PHACTR2: variants seen among roughly 807,000 people sequenced by gnomAD.
PHACTR2 encodes the protein chromosome 6 open reading frame 56.
Under a neutral mutation model 76.0 loss-of-function variants are expected in PHACTR2, and 30 were observed. The ratio of observed to expected loss-of-function variants is 0.39; its 90% confidence interval spans 0.30 to 0.54. The LOEUF is 0.54. PHACTR2 is among the 20% of genes least tolerant of loss of function. The probability of loss-of-function intolerance (pLI) is 0.61; values close to 1 mark genes in which losing one functional copy is unlikely to be tolerated. For missense variants in PHACTR2, 696 were observed against 781.1 expected, an observed-to-expected ratio of 0.89 and a Z score of 1.30; for synonymous variants, 292 against 292.5, an observed-to-expected ratio of 1.00 and a Z score of 0.02.
At chr6:143,745,719 G>A (rs1473734092) in intron 2 of PHACTR2, among the ~76,000 whole-genome samples, 1 of 125,178 alleles carries the variant, frequency 8.0e-6, no homozygotes, top group Non-Finnish European at 1.9e-5. Context: ...TCGGTCGCCT[G>A]CAGTTTGTTC....
chr6:143,580,264 T>A lies in PHACTR2; in HGVS notation c.217+43057T>A, dbSNP rs1473228867. Among the ~76,000 whole-genome samples the A allele has an allele frequency of 6.6e-6, 1 of 152,102 alleles. No homozygotes were observed. The highest frequency in any genetic ancestry group is 2.4e-5 in the African/African-American group (1 of 41,426). On this transcript the variant is annotated intron_variant, in intron 1 of 11. Transcript: ENST00000367584. This position sits in a 1 kb window ranked among gnomAD's most constrained non-coding sequence, Gnocchi z 4.2. The stretch of plus-strand genomic sequence containing the variant: ...ACTTTGGGAGGCCAAGGCAGGCAGA[T>A]CACGAGGTCAGGAAATCGAGACCAT...
At position 143,772,474 on chromosome 6, in the gene PHACTR2, G is replaced by C. The variant is rs1269395553; in HGVS notation, c.1432+17G>C. On this transcript the variant is annotated intron_variant, in intron 7 of 12. Transcript: ENST00000440869. This position sits in a 1 kb window ranked among gnomAD's most constrained non-coding sequence, Gnocchi z 5.4. The stretch of plus-strand genomic sequence containing the variant: ...GTGGAGAAAGTAAGACTGTTTTCAA[G>C]AGGCAGGGAGGAGCGTGGGTGATAA... 3.1e-6 allele frequency: 5 copies of C among 1,592,158 alleles called. No individual in the cohort carries two copies. The highest frequency in any genetic ancestry group is 4.3e-6 in the Non-Finnish European group (5 of 1,161,966).
chr6:143,628,915 A>C (rs1776306391), intron 1 of PHACTR2, among the ~76,000 whole-genome samples: 1 of 121,154 alleles, frequency 8.3e-6, no homozygotes, highest in African/African-American at 3.2e-5. Context: ...TGAATGTTTA[A>C]ATGCAGGAGA....
rs142182331 is a variant in PHACTR2, at chr6:143,761,214, A to G, written c.694+574A>G. Among the ~76,000 whole-genome samples the G allele has an allele frequency of 3.0e-3, 463 of 152,294 alleles. 8 individuals carry two copies. In the East Asian group the frequency reaches 0.041, roughly 13 times the overall value. On this transcript the variant is annotated intron_variant, in intron 5 of 12. Coordinates refer to ENST00000440869, the MANE Select transcript of PHACTR2 (RefSeq NM_001100164.2). The surrounding 1 kb of genome is among the most constrained non-coding windows in gnomAD (Gnocchi z 5.2). ...TGAAAACTATTTCAGTGGAGTGGAA[A>G]GTTACACTCTCAGTGTTCCACACCT...
At chr6:143,638,397 T>A (rs1004059995) in intron 1 of PHACTR2, among the ~76,000 whole-genome samples, 3 of 151,834 alleles carry the variant, frequency 2.0e-5, no homozygotes, top group Admixed American at 1.3e-4. Context: ...ATTAAAAGAT[T>A]AGCTGGGCAT....
At chr6:143,756,624 G>A (rs1388352804) in intron 4 of PHACTR2, among the ~76,000 whole-genome samples, 11 of 151,082 alleles carry the variant, frequency 7.3e-5, no homozygotes, top group Non-Finnish European at 1.0e-4. Context: ...GCGTGAACCC[G>A]GGAGGCGGAG....
At chr6:143,622,606 T>A (rs1776175032) in intron 1 of PHACTR2, among the ~76,000 whole-genome samples, 2 of 152,156 alleles carry the variant, frequency 1.3e-5, no homozygotes, top group South Asian at 4.1e-4. Context: ...ACATAGATTT[T>A]AAAAATATTT....
rs1176971948 is a variant in PHACTR2 at position 143,784,432 on chromosome 6, T to C, written c.1707+1152T>C. 6.6e-6 allele frequency among the ~76,000 whole-genome samples: 1 copy of C among 152,246 alleles called. No homozygotes were observed. The highest frequency in any genetic ancestry group is 2.4e-5 in the African/African-American group (1 of 41,468). Reference sequence around the variant, plus strand: ...CTAATCATTCTTCAGGCATACCTTATGCACCTAAAAATGGATAAAGTGACT... The same window carrying C: ...CTAATCATTCTTCAGGCATACCTTACGCACCTAAAAATGGATAAAGTGACT... On this transcript the variant is annotated intron_variant, in intron 10 of 12. Coordinates refer to ENST00000440869, the MANE Select transcript of PHACTR2 (RefSeq NM_001100164.2). The surrounding 1 kb of genome is among the most constrained non-coding windows in gnomAD (Gnocchi z 4.5).
rs1328507274 is a variant in PHACTR2, at chr6:143,751,829, A to G, written c.296-1925A>G. ...ACACACACACACACACACACACTAT[A>G]TCAAGGATTTAACTTATTTTAATTC... On this transcript the variant is annotated intron_variant, in intron 3 of 12. Coordinates refer to ENST00000440869, the MANE Select transcript of PHACTR2 (RefSeq NM_001100164.2). The surrounding 1 kb of genome is among the most constrained non-coding windows in gnomAD (Gnocchi z 5.7). Among the ~76,000 whole-genome samples, 3 of 79,876 alleles carry G rather than the reference A, an allele frequency of 3.8e-5. No individual in the cohort carries two copies. The highest frequency in any genetic ancestry group is 9.5e-5 in the Non-Finnish European group (3 of 31,676). 52.4% of individuals were successfully genotyped at this position (79,876 alleles called of 152,430 possible). A position where few individuals can be genotyped will look rare whatever the true frequency, so the allele number is the denominator to read the frequency against.
intron 4 of PHACTR2, among the ~76,000 whole-genome samples, chr6:143,758,128 G>A (rs188430967): frequency 3.3e-5 from 5 of 152,322 alleles, no homozygotes; most frequent in African/African-American, 9.6e-5. Flanking sequence ...AGTAGGTCTT[G>A]TCATTGCCAA....
chr6:143,659,472 C>T lies in PHACTR2; in HGVS notation c.13+51150C>T, dbSNP rs1776909210. On this transcript the variant is annotated intron_variant, in intron 1 of 11. Transcript: ENST00000305766. This position sits in a 1 kb window ranked among gnomAD's most constrained non-coding sequence, Gnocchi z 5.0. ...GGATACACCTGGAAGTGCATGTGGT[C>T]ACTGGGCAGCACGCCATTCCTTGCA... Among the ~76,000 whole-genome samples, 1 of 152,162 alleles carries T rather than the reference C, an allele frequency of 6.6e-6. No homozygotes were observed. The highest frequency in any genetic ancestry group is 6.5e-5 in the Admixed American group (1 of 15,274).
intron 1 of PHACTR2, among the ~76,000 whole-genome samples, chr6:143,686,486 T>A (rs1039568734): frequency 7.3e-6 from 1 of 137,412 alleles, no homozygotes; most frequent in Admixed American, 7.1e-5. Flanking sequence ...TCATTCTTTT[T>A]TTTTTTTTTT....
chr6:143,543,448 A>C lies in PHACTR2; in HGVS notation c.217+6241A>C, dbSNP rs1414217319. ...AAGACAGGCCAATAAGCCAAAGACCACAGTGCAATAAAGTATAAGCTATGA... is the reference window on the plus strand; with the variant it reads ...AAGACAGGCCAATAAGCCAAAGACCCCAGTGCAATAAAGTATAAGCTATGA... On this transcript the variant is annotated intron_variant, in intron 1 of 11. Coordinates refer to the PHACTR2 transcript ENST00000367584. This position sits in a 1 kb window ranked among gnomAD's most constrained non-coding sequence, Gnocchi z 4.7. Among the ~76,000 whole-genome samples, 2 of 152,220 alleles carry C rather than the reference A, an allele frequency of 1.3e-5. No individual in the cohort carries two copies. The highest frequency in any genetic ancestry group is 2.4e-5 in the African/African-American group (1 of 41,458).
rs971479661 is a variant in PHACTR2 at position 143,812,120 on chromosome 6, T to A, written c.1922+4987T>A. 1.9e-4 allele frequency among the ~76,000 whole-genome samples: 29 copies of A among 152,114 alleles called. 1 individual carries two copies. The highest frequency in any genetic ancestry group is 4.4e-5 in the Non-Finnish European group (3 of 68,002). On this transcript the variant is annotated intron_variant, in intron 12 of 12. Coordinates refer to ENST00000440869, the MANE Select transcript of PHACTR2 (RefSeq NM_001100164.2). ...ACTCCTCTTCTCGGGCACCTCTTTA[T>A]CTAGAGGCCATTTCCAACCCAGTGA...
chr6:143,552,894 A>G (rs1343831688), intron 1 of PHACTR2, among the ~76,000 whole-genome samples: 2 of 151,444 alleles, frequency 1.3e-5, no homozygotes, highest in Admixed American at 6.6e-5. Context: ...AAAAGAAAAA[A>G]AAAAAAAAAA....
chr6:143,605,144 A>G (rs1775856098), upstream of PHACTR2, among the ~76,000 whole-genome samples: 1 of 152,082 alleles, frequency 6.6e-6, no homozygotes. This position sits in a 1 kb window ranked among gnomAD's most constrained non-coding sequence, Gnocchi z 5.0. Flanking sequence ...AAAAACCCAG[A>G]TAGTGAGGGG....
Position 143,765,993 on chromosome 6 carries a change from A to G in PHACTR2, c.1232+195A>G, listed in dbSNP as rs961625137. ...GCCTAGGGCTGCTGGAGAAAATTAC[A>G]TTGGTAGAGCTGACAAATACCACTT... is the stretch of plus-strand genomic sequence containing the variant. On this transcript the variant is annotated intron_variant, in intron 6 of 12. Transcript: ENST00000440869. This position sits in a 1 kb window ranked among gnomAD's most constrained non-coding sequence, Gnocchi z 4.1. 1.2e-4 allele frequency among the ~76,000 whole-genome samples: 18 copies of G among 152,234 alleles called. No individual in the cohort carries two copies. The highest frequency in any genetic ancestry group is 3.9e-4 in the African/African-American group (16 of 41,454).
chr6:143,809,135 G>C lies in PHACTR2; in HGVS notation c.1922+2002G>C, dbSNP rs1346236659. On this transcript the variant is annotated intron_variant, in intron 12 of 12. Coordinates refer to ENST00000440869, the MANE Select transcript of PHACTR2 (RefSeq NM_001100164.2). The surrounding 1 kb of genome is among the most constrained non-coding windows in gnomAD (Gnocchi z 4.2). ...AGTTTTCCTAGAAGTTGGAGTATCT[G>C]ATAGCCTTATCTTCATTTGATAGCA... Among the ~76,000 whole-genome samples, 2 of 152,168 alleles carry C rather than the reference G, an allele frequency of 1.3e-5. No individual in the cohort carries two copies. Among genetic ancestry groups the C allele is most frequent in the African/African-American group, 4.8e-5 (2 of 41,436 alleles).
In PHACTR2 at chr6:143,772,570, CT is replaced by C; in HGVS notation, c.1432+114del. 1 of 740,428 alleles carries C rather than the reference CT, an allele frequency of 1.4e-6. No homozygotes were observed. The highest frequency in any genetic ancestry group is 2.3e-6 in the Non-Finnish European group (1 of 442,846). 45.9% of individuals were successfully genotyped at this position (740,428 alleles called of 1,614,324 possible). On this transcript the variant is annotated intron_variant, in intron 7 of 12. Transcript: ENST00000440869. This position sits in a 1 kb window ranked among gnomAD's most constrained non-coding sequence, Gnocchi z 5.4. ...CCAGACATCTGATGTTTTCTTTCCC[CT>C]CATCCTCCTTTCTCAAATTAGAAAT...
Sources: allele counts gnomAD v4.1 joint callset (sites outside exome capture counted in the v4.1 genomes callset), GRCh38; gene constraint gnomAD v4.1.1; non-coding constraint Gnocchi (gnomAD v3.1); transcripts MANE v1.5; gene names NCBI Gene and HGNC (gene_info 2026-07-23, HGNC 2026-07-21).